AXIN1: variants seen among roughly 807,000 people sequenced by gnomAD.
The protein encoded by AXIN1 is axin 1, also known as axin-1.
Under a neutral mutation model 76.4 loss-of-function variants are expected in AXIN1, and 30 were observed. The ratio of observed to expected loss-of-function variants is 0.39; its 90% CI spans 0.29 to 0.53. AXIN1 has a LOEUF of 0.53. AXIN1 is among the 20% of genes least tolerant of loss of function. The pLI, the probability that AXIN1 is intolerant of heterozygous loss-of-function variation, is 0.66. For missense variants in AXIN1, 1,140 were observed against 1,198.8 expected (o/e 0.95, Z 0.72); for synonymous variants, 545 against 501.4 (o/e 1.09, Z -1.16).
At chr16:326,136 T>C (rs942253176) in intron 2 of AXIN1, among the ~76,000 whole-genome samples, 1 of 151,814 alleles carries the variant, frequency 6.6e-6, no homozygotes, top group Non-Finnish European at 1.5e-5. Flanking sequence ...GGGCGGATCA[T>C]GAGGTCAGGA....
chr16:290,078 A>C (rs542173309), intron 9 of AXIN1: 1 of 240,096 alleles, frequency 4.2e-6, no homozygotes, highest in African/African-American at 2.3e-5. Context: ...CAGGCCCTTC[A>C]GAGGGGGCAG....
At chr16:343,118 C>T (rs1190885616) in intron 2 of AXIN1, among the ~76,000 whole-genome samples, 1 of 152,196 alleles carries the variant, frequency 6.6e-6, no homozygotes, top group Non-Finnish European at 1.5e-5. Context: ...GACTCCCAAG[C>T]CCCAGGGTCC....
chr16:309,881 G>A, intron 4 of AXIN1, 92 bp downstream of exon 4: 1 of 1,268,022 alleles, frequency 7.9e-7, no homozygotes, highest in East Asian at 2.4e-5. Flanking sequence ...GCTCGTGGGA[G>A]GCCAGGCAAG....
rs769195055 is a variant in AXIN1 at position 288,181 on chromosome 16, C to G, written c.2530G>C (p.Glu844Gln). 6.2e-7 allele frequency: 1 copy of G among 1,613,704 alleles called. No homozygotes were observed. The highest frequency in any genetic ancestry group is 8.5e-7 in the Non-Finnish European group (1 of 1,180,016). Residue 844 changes from glutamate to glutamine, a missense_variant, in exon 11 of 11, where the codon GAG (glutamate) becomes CAG (glutamine). Transcript: ENST00000262320. ...TCCTCAAAGACGGGCAGGACGGCCT[C>G]GTCCTCTCGAACCTCCTCAAACACC... ...GVVFEEVRED[E>Q]AVLPVFEEKI...
chr16:300,530 C>T (rs1443262939), intron 5 of AXIN1, among the ~76,000 whole-genome samples: 5 of 152,142 alleles, frequency 3.3e-5, no homozygotes, highest in Non-Finnish European at 7.3e-5. Context: ...AACAAACCTC[C>T]CAACGTTTAG....
chr16:317,525 C>A (rs2053331631), intron 2 of AXIN1, among the ~76,000 whole-genome samples: 1 of 152,234 alleles, frequency 6.6e-6, no homozygotes, highest in Non-Finnish European at 1.5e-5. Context: ...TCGCTCACTG[C>A]AGGCCACAGA....
intron 2 of AXIN1, among the ~76,000 whole-genome samples, chr16:341,256 A>T (rs1040235947): frequency 1.5e-4 from 23 of 152,048 alleles, no homozygotes; most frequent in Non-Finnish European, 2.5e-4. Context: ...GCTTGCGGGG[A>T]GGTGTGGAGG....
intron 2 of AXIN1, among the ~76,000 whole-genome samples, chr16:318,535 T>G (rs2053356753): frequency 6.6e-6 from 1 of 152,174 alleles, no homozygotes; most frequent in African/African-American, 2.4e-5. Flanking sequence ...GGGCTTGGCC[T>G]TCACTACCAG....
At chr16:306,278 TA>T (rs907618730) in intron 4 of AXIN1, among the ~76,000 whole-genome samples, 76 of 152,102 alleles carry the variant, frequency 5.0e-4, no homozygotes, top group Admixed American at 1.8e-3. Flanking sequence ...TATGGATGGT[TA>T]AAAAAACTGA....
At chr16:339,980 C>T (rs998710093) in intron 2 of AXIN1, among the ~76,000 whole-genome samples, 1 of 152,196 alleles carries the variant, frequency 6.6e-6, no homozygotes, top group African/African-American at 2.4e-5. Flanking sequence ...CATGGAAACC[C>T]AAAACCACTC....
chr16:343,044 G>C (rs1302881972), intron 2 of AXIN1, among the ~76,000 whole-genome samples: 2 of 152,162 alleles, frequency 1.3e-5, no homozygotes, highest in African/African-American at 4.8e-5. Context: ...CAACATCAGA[G>C]ATCTTCAAGC....
intron 4 of AXIN1, 119 bp from the exon 5 acceptor site, chr16:304,560 A>G: frequency 6.8e-7 from 1 of 1,460,152 alleles, no homozygotes; most frequent in South Asian, 1.2e-5. Context: ...TTTGAGACAA[A>G]CTCTTGCTCT....
chr16:339,510 CAAA>C (rs35043577), intron 2 of AXIN1, among the ~76,000 whole-genome samples: 3 of 67,562 alleles, frequency 4.4e-5, no homozygotes, highest in African/African-American at 5.5e-5. Flanking sequence ...GACTCCATCT[CAAA>C]AAAAAAAAAA....
chr16:323,559 A>G lies in AXIN1; in HGVS notation c.879-8876T>C, dbSNP rs962364376. On this transcript the variant is annotated intron_variant, in intron 2 of 10. Coordinates refer to ENST00000262320, the MANE Select transcript of AXIN1 (RefSeq NM_003502.4). ...CACTTTGGGAGGCCGAGGCGGGTGGATCACAAGGTCAAGAGATCAAGACCA... is the reference window on the plus strand; with the variant it reads ...CACTTTGGGAGGCCGAGGCGGGTGGGTCACAAGGTCAAGAGATCAAGACCA... Among the ~76,000 whole-genome samples, 10 of 152,046 alleles carry G rather than the reference A, an allele frequency of 6.6e-5. No homozygotes were observed. The South Asian group carries it at 1.9e-3, about 28-fold the overall frequency.
intron 5 of AXIN1, among the ~76,000 whole-genome samples, chr16:300,695 C>G (rs1164614078): frequency 6.6e-6 from 1 of 152,146 alleles, no homozygotes; most frequent in Non-Finnish European, 1.5e-5. Flanking sequence ...AGCCGGGGGA[C>G]AGGTGGGTGG....
At chr16:297,425 G>A (rs2052744090) in intron 6 of AXIN1, among the ~76,000 whole-genome samples, 199 bp from the exon 7 acceptor site, 1 of 151,982 alleles carries the variant, frequency 6.6e-6, no homozygotes, top group African/African-American at 2.4e-5. Flanking sequence ...CGCTGTCCTG[G>A]TGCTGTCTGG....
intron 2 of AXIN1, among the ~76,000 whole-genome samples, chr16:344,142 G>A (rs1227629285): frequency 6.6e-6 from 1 of 151,978 alleles, no homozygotes; most frequent in Non-Finnish European, 1.5e-5. Context: ...ATGAACAAAA[G>A]GGAAAAAAGG....
intron 3 of AXIN1, among the ~76,000 whole-genome samples, chr16:310,394 T>A (rs1304994833): frequency 6.6e-6 from 1 of 151,802 alleles, no homozygotes; most frequent in Non-Finnish European, 1.5e-5. Flanking sequence ...GGTTTCTACA[T>A]TTTTTTTTCT....
Position 346,789 on chromosome 16 carries a change from G to A in AXIN1, c.237C>T (p.Thr79=), listed in dbSNP as rs369153447. The A allele has an allele frequency of 8.7e-6, 14 of 1,612,122 alleles. No individual in the cohort carries two copies. The highest frequency in any genetic ancestry group is 1.1e-5 in the Non-Finnish European group (13 of 1,178,516). The change falls in exon 2 of 11, where the codon ACC becomes ACT. Residue 79 remains threonine, a synonymous_variant. Coordinates refer to ENST00000262320, the MANE Select transcript of AXIN1 (RefSeq NM_003502.4). The part of the protein sequence containing the change: ...GYEPEGSASP[T]PPYLKWAESL... ...ACTCAGCCCACTTCAAGTATGGTGG[G>A]GTGGGGGAGGCACTGCCCTCAGGCT... is the stretch of plus-strand genomic sequence containing the variant.
Sources: gnomAD v4.1 joint callset for allele counts (sites outside exome capture counted in the v4.1 genomes callset) on GRCh38, gnomAD v4.1.1 for gene constraint, MANE v1.5 for transcripts, NCBI Gene and HGNC (gene_info 2026-07-23, HGNC 2026-07-21) for gene names.